GLRA2: variants seen among roughly 807,000 people sequenced by gnomAD.
GLRA2 encodes glycine receptor subunit alpha-2.
GLRA2 carries 11 observed loss-of-function variants against 31.6 expected under a neutral mutation model. That is an observed-to-expected ratio of 0.35 (90% confidence interval 0.22 to 0.58). GLRA2 has a LOEUF of 0.58. GLRA2 is among the 20% of genes least tolerant of loss of function. The pLI is 0.84. For synonymous variants in GLRA2, 132 were observed against 134.0 expected, an observed-to-expected ratio of 0.99 and a Z score of 0.10; for missense variants, 212 against 351.8, an observed-to-expected ratio of 0.60 and a Z score of 3.18.
At chrX:14,570,216 A>G (rs1371734734) in intron 2 of GLRA2, among the ~76,000 whole-genome samples, 1 of 112,180 alleles carries the variant, frequency 8.9e-6, no homozygotes, top group Non-Finnish European at 1.9e-5. Flanking sequence ...GCCACTGAAT[A>G]TAGTTTAAAT....
intron 7 of GLRA2, among the ~76,000 whole-genome samples, chrX:14,616,439 A>C (rs765174815): frequency 1.8e-5 from 2 of 111,339 alleles, no homozygotes; most frequent in South Asian, 7.6e-4. Context: ...TATATAAGGA[A>C]ATTTCTCCTT....
chrX:14,567,065 C>G (rs760878847), intron 2 of GLRA2, among the ~76,000 whole-genome samples: 2 of 111,782 alleles, frequency 1.8e-5, no homozygotes, highest in South Asian at 3.8e-4. Flanking sequence ...AGCCCCAAAG[C>G]GTACAGATGT....
chrX:14,517,913 TTAA>T, the GLRA2 span, among the ~76,000 whole-genome samples: 124 of 111,491 alleles, frequency 1.1e-3, no homozygotes, highest in African/African-American at 3.6e-3. Flanking sequence ...AAAATTTATT[TTAA>T]TAATATGATC....
chrX:14,641,409 C>A (rs779044424), intron 7 of GLRA2, among the ~76,000 whole-genome samples: 68 of 111,548 alleles, frequency 6.1e-4, no homozygotes, highest in African/African-American at 2.1e-3. Context: ...TTCTATATGG[C>A]AGGAATTCTG....
intron 7 of GLRA2, among the ~76,000 whole-genome samples, chrX:14,626,027 T>TA (rs1349397098): frequency 1.8e-5 from 2 of 112,259 alleles, no homozygotes; most frequent in Non-Finnish European, 3.8e-5. Flanking sequence ...CATTATGCCA[T>TA]ACCACTTTTC....
intron 7 of GLRA2, among the ~76,000 whole-genome samples, chrX:14,614,928 G>A (rs2090439153): frequency 9.0e-6 from 1 of 111,691 alleles, no homozygotes; most frequent in South Asian, 3.7e-4. Context: ...TAATGTTTTC[G>A]AATGTCTGGT....
chrX:14,606,111 C>T (rs1375983501), intron 5 of GLRA2, among the ~76,000 whole-genome samples: 3 of 101,844 alleles, frequency 2.9e-5, no homozygotes, highest in Non-Finnish European at 3.9e-5. Context: ...GTAGCTCTGG[C>T]GAGTCACTAT....
chrX:14,594,195 T>C (rs1274570919), intron 4 of GLRA2, among the ~76,000 whole-genome samples: 3 of 111,761 alleles, frequency 2.7e-5, no homozygotes, highest in African/African-American at 9.8e-5. Context: ...GGTACAAGGT[T>C]ACTTTGGTTT....
At chrX:14,684,426 A>G (rs2091251631) in intron 7 of GLRA2, among the ~76,000 whole-genome samples, 1 of 111,563 alleles carries the variant, frequency 9.0e-6, no homozygotes, top group Non-Finnish European at 1.9e-5. Context: ...CATTTTCAGG[A>G]TATTGATTCT....
intron 7 of GLRA2, among the ~76,000 whole-genome samples, chrX:14,681,891 CAA>C (rs1157722406): frequency 0.013 from 350 of 26,639 alleles, 5 homozygotes; most frequent in South Asian, 0.037. Flanking sequence ...GACACCATCT[CAA>C]AAAAAAAAAA....
At chrX:14,511,199 A>C in the GLRA2 span, among the ~76,000 whole-genome samples, 1 of 112,276 alleles carries the variant, frequency 8.9e-6, no homozygotes, top group African/African-American at 3.2e-5. Context: ...CCTTATCTTT[A>C]AGGCTTTCAA....
chrX:14,479,537 C>A, the GLRA2 span, among the ~76,000 whole-genome samples: 4 of 111,249 alleles, frequency 3.6e-5, no homozygotes, highest in African/African-American at 9.8e-5. Context: ...CCCTGACTCC[C>A]CCTTCTCTCC....
intron 7 of GLRA2, among the ~76,000 whole-genome samples, chrX:14,677,641 A>T (rs775971863): frequency 8.9e-6 from 1 of 111,999 alleles, no homozygotes; most frequent in South Asian, 3.7e-4. Context: ...TTTCCACCTT[A>T]TAACACTATT....
At chrX:14,462,438 G>A in the GLRA2 span, among the ~76,000 whole-genome samples, 2 of 112,004 alleles carry the variant, frequency 1.8e-5, no homozygotes, top group African/African-American at 6.5e-5. Context: ...ATCCTGAAGA[G>A]TGTTTTCTAA....
In GLRA2 at chrX:14,708,810, C is replaced by G. The variant is rs1032603966; in HGVS notation, c.1080+17951C>G. Among the ~76,000 whole-genome samples, 4 of 111,379 alleles carry G rather than the reference C, an allele frequency of 3.6e-5. No individual in the cohort carries two copies. In the East Asian group the frequency reaches 1.1e-3, roughly 32 times the overall value. ...AATTAGCCGGGCACGGTGGCTCATG[C>G]CTGTAATCCCAGCTACTCGGGAAGC... On this transcript the variant is annotated intron_variant, in intron 8 of 8. Transcript: ENST00000218075.
chrX:14,716,768 A>G (rs764088116), intron 8 of GLRA2, among the ~76,000 whole-genome samples: 1 of 111,717 alleles, frequency 9.0e-6, no homozygotes, highest in Non-Finnish European at 1.9e-5. Context: ...ATCCTTTAAT[A>G]TGAATGGGAA....
At chrX:14,621,937 A>G (rs977309720) in intron 7 of GLRA2, among the ~76,000 whole-genome samples, 3 of 112,189 alleles carry the variant, frequency 2.7e-5, no homozygotes, top group African/African-American at 9.7e-5. Flanking sequence ...GAATCGCCAC[A>G]CTGTCTTCCA....
At chrX:14,667,158 C>T (rs984876729) in intron 7 of GLRA2, among the ~76,000 whole-genome samples, 8 of 111,621 alleles carry the variant, frequency 7.2e-5, no homozygotes, top group Admixed American at 9.5e-5. Context: ...TAAGTGATTC[C>T]GTAATAAACC....
intron 8 of GLRA2, among the ~76,000 whole-genome samples, chrX:14,708,425 A>G (rs2091661200): frequency 1.8e-5 from 2 of 111,463 alleles, no homozygotes; most frequent in South Asian, 3.8e-4. Flanking sequence ...GATGACAGGG[A>G]CAGGAGGTAT....
Sources: allele counts gnomAD v4.1 joint callset (sites outside exome capture counted in the v4.1 genomes callset), GRCh38; gene constraint gnomAD v4.1.1; transcripts MANE v1.5; gene names NCBI Gene and HGNC (gene_info 2026-07-23, HGNC 2026-07-21).